Variants in RNF150 observed in about 807,000 individuals in gnomAD.
The protein encoded by RNF150 is ring finger protein 150.
In RNF150, 24 loss-of-function variants were observed where a neutral mutation model predicts 39.3. That is an observed-to-expected ratio of 0.61 (90% confidence interval 0.44 to 0.86). RNF150 has a LOEUF of 0.86. RNF150 is among the 40% of genes least tolerant of loss of function. The pLI, the probability that RNF150 is intolerant of heterozygous loss-of-function variation, is 0.00. For missense variants in RNF150, 502 were observed against 587.8 expected (o/e 0.85, Z 1.51); for synonymous variants, 255 against 227.3 (o/e 1.12, Z -1.10).
chr4:141,044,262 A>T (rs1736478147), intron 1 of RNF150, among the ~76,000 whole-genome samples: 1 of 152,206 alleles, frequency 6.6e-6, no homozygotes, highest in South Asian at 2.1e-4. Context: ...ATTAAAGCAC[A>T]TCCTTCAAGC....
intron 1 of RNF150, among the ~76,000 whole-genome samples, chr4:141,062,912 T>C (rs549161909): frequency 3.4e-4 from 52 of 152,282 alleles, no homozygotes; most frequent in African/African-American, 1.2e-3. Context: ...CTCCCACTTA[T>C]AAGTGAGAAT....
chr4:141,116,649 C>T (rs182093672), intron 1 of RNF150, among the ~76,000 whole-genome samples: 43 of 152,256 alleles, frequency 2.8e-4, no homozygotes, highest in African/African-American at 1.0e-3. Flanking sequence ...GGTATATACC[C>T]AAAGGATTAT....
intron 1 of RNF150, among the ~76,000 whole-genome samples, chr4:140,974,409 A>G (rs936175811): frequency 1.3e-5 from 2 of 152,224 alleles, no homozygotes; most frequent in African/African-American, 4.8e-5. Flanking sequence ...TTATTCGCCA[A>G]TTGATGGACA....
intron 1 of RNF150, among the ~76,000 whole-genome samples, chr4:141,062,148 A>C (rs1737256059): frequency 6.6e-6 from 1 of 152,178 alleles, no homozygotes; most frequent in African/African-American, 2.4e-5. Flanking sequence ...CAAGGAAATT[A>C]TATCCATTAT....
intron 6 of RNF150, among the ~76,000 whole-genome samples, chr4:140,898,355 G>T (rs1169469268): frequency 2.6e-5 from 4 of 151,542 alleles, no homozygotes; most frequent in South Asian, 4.2e-4. Flanking sequence ...GTAATCAGGA[G>T]ACCCATGATG....
upstream of RNF150, among the ~76,000 whole-genome samples, chr4:141,137,993 G>A (rs902515903): frequency 1.1e-4 from 16 of 152,060 alleles, no homozygotes; most frequent in African/African-American, 2.4e-4. Flanking sequence ...TACAGCATAC[G>A]TTTCTGAGAA....
rs1731632178 is a variant in RNF150 at position 140,931,449 on chromosome 4, T to C, written c.891-5376A>G. Among the ~76,000 whole-genome samples, 3 of 152,156 alleles carry C rather than the reference T, an allele frequency of 2.0e-5. No homozygotes were observed. In the South Asian group the frequency reaches 6.2e-4, roughly 31 times the overall value. ...AATTGGGATTGGAAAGCAGTATTTT[T>C]CCTCCTAAGTGGAAAGAAAAGTAAA... On this transcript the variant is annotated intron_variant, in intron 4 of 6. Coordinates refer to ENST00000515673, the MANE Select transcript of RNF150 (RefSeq NM_020724.2).
chr4:141,179,855 G>A (rs1208704434), intron 1 of RNF150, among the ~76,000 whole-genome samples: 1 of 152,138 alleles, frequency 6.6e-6, no homozygotes, highest in African/African-American at 2.4e-5. Context: ...GGCTCAACTG[G>A]TCAGAAAGAT....
At chr4:141,131,912 T>C (rs1560753310) in intron 1 of RNF150, among the ~76,000 whole-genome samples, 2 of 152,152 alleles carry the variant, frequency 1.3e-5, no homozygotes, top group Non-Finnish European at 2.9e-5. Context: ...ATATAGCGCC[T>C]GCATCAGGGT....
At chr4:140,963,692 C>T (rs1036127442) in intron 2 of RNF150, among the ~76,000 whole-genome samples, 1 of 151,920 alleles carries the variant, frequency 6.6e-6, no homozygotes, top group South Asian at 2.1e-4. Context: ...TATAATCTCA[C>T]ACACATTAGA....
At chr4:141,169,989 G>A (rs1353827717) in intron 1 of RNF150, among the ~76,000 whole-genome samples, 1 of 151,986 alleles carries the variant, frequency 6.6e-6, no homozygotes, top group Non-Finnish European at 1.5e-5. Context: ...ATTCGGAAAA[G>A]CATTTTAGAA....
chr4:140,945,078 G>C (rs551929199), intron 4 of RNF150, among the ~76,000 whole-genome samples: 1 of 152,250 alleles, frequency 6.6e-6, no homozygotes, highest in African/African-American at 2.4e-5. Context: ...ATTTGAAAAT[G>C]CTCAAATGCA....
At chr4:140,877,927 C>A (rs1729220203) in intron 6 of RNF150, among the ~76,000 whole-genome samples, 1 of 152,078 alleles carries the variant, frequency 6.6e-6, no homozygotes, top group South Asian at 2.1e-4. Context: ...ATCATCAAAG[C>A]AAATTTCAAG....
At chr4:140,940,898 T>C (rs180817230) in intron 4 of RNF150, among the ~76,000 whole-genome samples, 1 of 152,212 alleles carries the variant, frequency 6.6e-6, no homozygotes, top group African/African-American at 2.4e-5. Context: ...TGTACACTGT[T>C]GCTCTAATAG....
chr4:140,895,104 C>A (rs781342058), intron 6 of RNF150, among the ~76,000 whole-genome samples: 13 of 152,172 alleles, frequency 8.5e-5, no homozygotes, highest in Non-Finnish European at 2.9e-5. Context: ...CCCAGGTCCC[C>A]TTTGGTTTTC....
chr4:141,031,268 T>C (rs1030789188), intron 1 of RNF150, among the ~76,000 whole-genome samples: 1 of 152,004 alleles, frequency 6.6e-6, no homozygotes, highest in African/African-American at 2.4e-5. Context: ...TCAAAAGGGA[T>C]TTTGAACAGT....
intron 1 of RNF150, among the ~76,000 whole-genome samples, chr4:141,186,400 T>A (rs193185170): frequency 2.1e-3 from 315 of 152,206 alleles, no homozygotes; most frequent in African/African-American, 7.1e-3. Flanking sequence ...TTTTTTATTC[T>A]TTTAGTCTTG....
At chr4:141,073,409 T>C (rs1483284626) in intron 1 of RNF150, among the ~76,000 whole-genome samples, 1 of 152,174 alleles carries the variant, frequency 6.6e-6, no homozygotes, top group African/African-American at 2.4e-5. Context: ...GATCAACTCT[T>C]ATCTGCTTTC....
At chr4:140,885,747 T>G (rs1729548170) in intron 6 of RNF150, among the ~76,000 whole-genome samples, 1 of 151,912 alleles carries the variant, frequency 6.6e-6, no homozygotes, top group Non-Finnish European at 1.5e-5. Context: ...GGATTACAGG[T>G]GCATACCATC....
Sources: allele counts gnomAD v4.1 joint callset (sites outside exome capture counted in the v4.1 genomes callset), GRCh38; gene constraint gnomAD v4.1.1; transcripts MANE v1.5; gene names NCBI Gene and HGNC (gene_info 2026-07-23, HGNC 2026-07-21).